PIK3CB: variants seen among roughly 807,000 people sequenced by gnomAD.
PIK3CB encodes phosphatidylinositol-4,5-bisphosphate 3-kinase catalytic subunit beta, also known as phosphatidylinositol 4,5-bisphosphate 3-kinase catalytic subunit beta isoform.
In PIK3CB, 39 loss-of-function variants were observed where a neutral mutation model predicts 136.8. That is an observed-to-expected ratio of 0.29 (90% confidence interval 0.22 to 0.37). PIK3CB has a LOEUF of 0.37. Ranked by LOEUF, PIK3CB falls within the 10% of genes least tolerant of loss-of-function variation. The pLI is 1.00. For synonymous variants in PIK3CB, 428 were observed against 436.6 expected, an observed-to-expected ratio of 0.98 and a Z score of 0.25; for missense variants, 868 against 1,275.4, an observed-to-expected ratio of 0.68 and a Z score of 4.87.
chr3:138,757,202 A>C (rs987085824), intron 3 of PIK3CB, among the ~76,000 whole-genome samples: 6 of 152,020 alleles, frequency 3.9e-5, no homozygotes, highest in African/African-American at 1.4e-4. Flanking sequence ...TCAAGAAATC[A>C]AGACCATCCT....
intron 1 of PIK3CB, 108 bp downstream of exon 1, chr3:138,834,587 G>C (rs1404571774): frequency 6.6e-6 from 1 of 152,258 alleles, no homozygotes; most frequent in African/African-American, 2.4e-5. Context: ...GCCGCAGGTA[G>C]CGGCAAGCTA....
chr3:138,762,217 C>T (rs530133725), intron 2 of PIK3CB, among the ~76,000 whole-genome samples: 86 of 152,186 alleles, frequency 5.7e-4, no homozygotes, highest in African/African-American at 2.0e-3. Context: ...CCATTGCACT[C>T]CAGCCTGGGC....
At chr3:138,747,812 C>T (rs1232107058) in intron 4 of PIK3CB, among the ~76,000 whole-genome samples, 3 of 152,034 alleles carry the variant, frequency 2.0e-5, no homozygotes, top group Non-Finnish European at 4.4e-5. Flanking sequence ...TAAAAAATAT[C>T]CACGTATAAG....
At position 138,683,720 on chromosome 3, in the gene PIK3CB, A is replaced by G. The variant is rs2043827003; in HGVS notation, c.2383T>C (p.Phe795Leu). 2 of 1,604,980 alleles carry G rather than the reference A, an allele frequency of 1.2e-6. No individual in the cohort carries two copies. The highest frequency in any genetic ancestry group is 1.7e-6 in the Non-Finnish European group (2 of 1,172,044). The change falls in exon 18 of 24, where the codon TTT (phenylalanine) becomes CTT (leucine). Residue 795 changes from phenylalanine to leucine, a missense_variant. This residue lies in a region of PIK3CB where 165 missense variants were observed against 295.4 expected (regional missense o/e 0.56). Coordinates refer to ENST00000674063, the MANE Select transcript of PIK3CB (RefSeq NM_006219.3). ...PLWLVYNNKV[F>L]GEDSVGVIFK... ...ATCACTCCAACTGAATCCTCACCAA[A>G]TACCTTGTTATTGTATACCAGCCAC...
At chr3:138,673,430 G>T (rs2043578412) in intron 19 of PIK3CB, among the ~76,000 whole-genome samples, 2 of 151,982 alleles carry the variant, frequency 1.3e-5, no homozygotes, top group East Asian at 3.9e-4. Context: ...TACTTACAAA[G>T]AACCGATAAC....
At chr3:138,686,637 G>GT (rs2043899636) in intron 16 of PIK3CB, among the ~76,000 whole-genome samples, 1 of 152,012 alleles carries the variant, frequency 6.6e-6, no homozygotes, top group African/African-American at 2.4e-5. Flanking sequence ...AAAGTATACC[G>GT]TAACAAGCAT....
intron 2 of PIK3CB, among the ~76,000 whole-genome samples, chr3:138,777,211 C>T (rs1378832726): frequency 1.3e-5 from 2 of 152,146 alleles, no homozygotes. Context: ...AGAGACCTGC[C>T]AAATGTGATG....
At chr3:138,785,935 T>G (rs1462149394) in intron 2 of PIK3CB, among the ~76,000 whole-genome samples, 1 of 151,866 alleles carries the variant, frequency 6.6e-6, no homozygotes, top group Non-Finnish European at 1.5e-5. Flanking sequence ...TAATGTACAT[T>G]AATAGATCAA....
chr3:138,743,977 C>T (rs1220363083), intron 4 of PIK3CB, among the ~76,000 whole-genome samples: 2 of 152,068 alleles, frequency 1.3e-5, no homozygotes, highest in African/African-American at 4.8e-5. Context: ...ATGTTATATA[C>T]TGTATTCCTA....
intron 19 of PIK3CB, among the ~76,000 whole-genome samples, chr3:138,670,583 A>G (rs1015227463): frequency 3.3e-5 from 5 of 152,250 alleles, no homozygotes; most frequent in African/African-American, 1.2e-4. Flanking sequence ...ATATGTAACC[A>G]AGTGGCTGTG....
chr3:138,831,261 TAAATAAAATA>T (rs34817349), intron 1 of PIK3CB, among the ~76,000 whole-genome samples: 4 of 145,416 alleles, frequency 2.8e-5, no homozygotes, highest in African/African-American at 5.2e-5. Context: ...CCGTCTCAAA[TAAATAAAATA>T]AAATAAAATA....
chr3:138,655,874 C>T (rs975475442), intron 23 of PIK3CB, among the ~76,000 whole-genome samples: 1 of 152,168 alleles, frequency 6.6e-6, no homozygotes, highest in African/African-American at 2.4e-5. Flanking sequence ...TCCTGATCTG[C>T]GGTCTTTCAG....
intron 4 of PIK3CB, among the ~76,000 whole-genome samples, chr3:138,753,057 T>C (rs2045502195): frequency 6.6e-6 from 1 of 151,726 alleles, no homozygotes; most frequent in African/African-American, 2.4e-5. Flanking sequence ...ATTCCATCTC[T>C]ACAAAAAAAA....
chr3:138,729,148 G>A (rs1264814993), intron 8 of PIK3CB, among the ~76,000 whole-genome samples: 1 of 152,038 alleles, frequency 6.6e-6, no homozygotes, highest in East Asian at 1.9e-4. Flanking sequence ...GGGTGTGGTG[G>A]CAGGTGCCTA....
In PIK3CB at chr3:138,664,946, C is replaced by T. The variant is rs2043376749; in HGVS notation, c.2672+90G>A. 2.1e-5 allele frequency: 17 copies of T among 791,244 alleles called. No individual in the cohort carries two copies. The East Asian group carries it at 4.7e-4, about 22-fold the overall frequency. 49.0% of individuals were successfully genotyped at this position (791,244 alleles called of 1,614,324 possible). Reference sequence around the variant, plus strand: ...AATAGATAAAAAACACTAATATTTCCTCTAACACACTGCTGACTTCTATTG... The same window carrying T: ...AATAGATAAAAAACACTAATATTTCTTCTAACACACTGCTGACTTCTATTG... On this transcript the variant is annotated intron_variant, in intron 20 of 23. Transcript: ENST00000674063.
intron 1 of PIK3CB, among the ~76,000 whole-genome samples, chr3:138,826,811 G>C (rs539696720): frequency 9.4e-4 from 143 of 152,278 alleles, no homozygotes; most frequent in Non-Finnish European, 3.4e-4. Context: ...GCTTATGCCT[G>C]TAATCCCAGC....
chr3:138,692,413 C>T (rs187149186), intron 14 of PIK3CB, among the ~76,000 whole-genome samples: 75 of 152,346 alleles, frequency 4.9e-4, no homozygotes, highest in African/African-American at 1.5e-3. Flanking sequence ...AAACACTTGG[C>T]TCAGCCCAAG....
Position 138,810,764 on chromosome 3 carries a change from A to C in PIK3CB, c.-121-14197T>G, listed in dbSNP as rs182005345. ...AAACCCCAGCTCTACTAAAAACACAAAAAAAATTAGCTGGGCATGGTGGCA... is the reference window on the plus strand; with the variant it reads ...AAACCCCAGCTCTACTAAAAACACACAAAAAATTAGCTGGGCATGGTGGCA... On this transcript the variant is annotated intron_variant, in intron 1 of 23. Transcript: ENST00000674063. 3.7e-4 allele frequency among the ~76,000 whole-genome samples: 56 copies of C among 151,882 alleles called. No individual in the cohort carries two copies. In the East Asian group the frequency reaches 6.8e-3, roughly 18 times the overall value.
chr3:138,831,026 G>T (rs1227373350), intron 1 of PIK3CB, among the ~76,000 whole-genome samples: 8 of 140,024 alleles, frequency 5.7e-5, no homozygotes, highest in Admixed American at 7.2e-5. Flanking sequence ...CTCCCGCCTG[G>T]AGTCCCAGCA....
Sources: allele counts gnomAD v4.1 joint callset (sites outside exome capture counted in the v4.1 genomes callset), GRCh38; gene constraint gnomAD v4.1.1; regional missense constraint gnomAD v4.1.1; transcripts MANE v1.5; gene names NCBI Gene and HGNC (gene_info 2026-07-23, HGNC 2026-07-21).